CRY1: variants seen among roughly 807,000 people sequenced by gnomAD.
The protein encoded by CRY1 is cryptochrome-1.
Under a neutral mutation model 76.0 loss-of-function variants are expected in CRY1, and 45 were observed. The observed-to-expected ratio is 0.59, with a 90% CI of 0.47 to 0.76. CRY1 has a LOEUF of 0.76. Among genes scored for constraint, CRY1 ranks in the 30% least tolerant of loss-of-function variants. CRY1 has a pLI of 0.00. For missense variants in CRY1, 587 were observed against 716.4 expected, an observed-to-expected ratio of 0.82 and a Z score of 2.06; for synonymous variants, 248 against 244.0, an observed-to-expected ratio of 1.02 and a Z score of -0.15.
At chr12:107,046,675 A>G (rs574377165) in intron 1 of CRY1, among the ~76,000 whole-genome samples, 2 of 152,344 alleles carry the variant, frequency 1.3e-5, no homozygotes, top group East Asian at 3.9e-4. Flanking sequence ...ATACAGAATG[A>G]AAGTGAAGGG....
intron 8 of CRY1, 65 bp downstream of exon 8, chr12:106,997,850 T>C (rs1207967384): frequency 6.3e-7 from 1 of 1,579,928 alleles, no homozygotes; most frequent in South Asian, 1.2e-5. Context: ...TAAGCATTGA[T>C]TAAACATGAA....
At chr12:107,002,451 T>C (rs980837093) in intron 3 of CRY1, among the ~76,000 whole-genome samples, 10 of 152,342 alleles carry the variant, frequency 6.6e-5, no homozygotes, top group South Asian at 6.2e-4. Flanking sequence ...ATGGGATACA[T>C]GTAGATAGTA....
chr12:107,012,715 A>T (rs1316854406), intron 2 of CRY1, among the ~76,000 whole-genome samples: 15 of 152,202 alleles, frequency 9.9e-5, no homozygotes, highest in Admixed American at 9.8e-4. Flanking sequence ...TTTGGAAAGG[A>T]TTCACCATTC....
intron 11 of CRY1, 37 bp downstream of exon 11, chr12:106,992,928 G>A: frequency 6.2e-7 from 1 of 1,613,912 alleles, no homozygotes; most frequent in African/African-American, 1.3e-5. Flanking sequence ...GATAGGAAAA[G>A]GAAAAAGAAC....
chr12:107,014,777 C>G (rs768109514), intron 2 of CRY1, among the ~76,000 whole-genome samples: 38 of 152,100 alleles, frequency 2.5e-4, no homozygotes, highest in Non-Finnish European at 1.2e-4. Flanking sequence ...TTCCAGGACC[C>G]CCTGTGGATA....
chr12:107,082,727 C>A (rs1199721751), intron 1 of CRY1, among the ~76,000 whole-genome samples: 1 of 152,108 alleles, frequency 6.6e-6, no homozygotes, highest in Non-Finnish European at 1.5e-5. Flanking sequence ...CACTAAATGT[C>A]CATATCAGAA....
chr12:107,066,058 C>T (rs1170013837), intron 1 of CRY1, among the ~76,000 whole-genome samples: 1 of 152,180 alleles, frequency 6.6e-6, no homozygotes, highest in African/African-American at 2.4e-5. Flanking sequence ...ATTCTGACTA[C>T]ACAGTCGTAC....
Position 106,999,877 on chromosome 12 carries a change from C to A in CRY1, c.826-15G>T. ...TTCTTCTTTACCTATGGTTAAAAAG[C>A]AAAGAAGTATTATCAGAATTTTTTT... On this transcript the variant is annotated splice_polypyrimidine_tract_variant and intron_variant, in intron 6 of 12. Transcript: ENST00000008527. 6.3e-7 allele frequency: 1 copy of A among 1,596,958 alleles called. No homozygotes were observed. The highest frequency in any genetic ancestry group is 2.2e-5 in the East Asian group (1 of 44,778).
At chr12:107,008,809 T>C (rs933489469) in intron 2 of CRY1, among the ~76,000 whole-genome samples, 2 of 152,188 alleles carry the variant, frequency 1.3e-5, no homozygotes, top group Non-Finnish European at 2.9e-5. Flanking sequence ...GTTCTCATGA[T>C]AGTGAATAAG....
chr12:107,023,088 T>C (rs1952575676), intron 1 of CRY1, among the ~76,000 whole-genome samples: 1 of 152,182 alleles, frequency 6.6e-6, no homozygotes, highest in African/African-American at 2.4e-5. Flanking sequence ...TTAAGTTTCA[T>C]TTAGATTCTG....
Position 107,011,711 on chromosome 12 carries a change from G to A in CRY1, c.268-6463C>T, listed in dbSNP as rs74365239. On this transcript the variant is annotated intron_variant, in intron 2 of 12. Coordinates refer to ENST00000008527, the MANE Select transcript of CRY1 (RefSeq NM_004075.5). ...TGGTTCATAAGGTTTAAGCAAAGAAGCTGTCTCCATAACCTAAAAGTACAA... is the reference window on the plus strand; with the variant it reads ...TGGTTCATAAGGTTTAAGCAAAGAAACTGTCTCCATAACCTAAAAGTACAA... Among the ~76,000 whole-genome samples, 307 of 152,334 alleles carry A rather than the reference G, an allele frequency of 2.0e-3. 3 individuals are homozygous for A. The highest frequency in any genetic ancestry group is 7.0e-3 in the African/African-American group (293 of 41,586).
Position 107,028,411 on chromosome 12 carries a change from A to AAGAG in CRY1, c.159-6220_159-6219insCTCT, listed in dbSNP as rs1952639067. 2.0e-5 allele frequency among the ~76,000 whole-genome samples: 3 copies of AAGAG among 152,262 alleles called. No individual in the cohort carries two copies. In the South Asian group the frequency reaches 6.2e-4, roughly 32 times the overall value. Reference sequence around the variant, plus strand: ...AATGTTCAATAAAGATGAAATATATATTTTAAAAGCAAACTTTGCATTTGC... The same window carrying AAGAG: ...AATGTTCAATAAAGATGAAATATATAAGAGTTTTAAAAGCAAACTTTGCATTTGC... On this transcript the variant is annotated intron_variant, in intron 1 of 12. Transcript: ENST00000008527.
At chr12:107,018,453 G>A (rs1193370617) in intron 2 of CRY1, among the ~76,000 whole-genome samples, 5 of 152,102 alleles carry the variant, frequency 3.3e-5, no homozygotes, top group Admixed American at 6.6e-5. Context: ...AAGGTGTGGT[G>A]GTGCATGCCT....
chr12:107,036,192 C>A (rs1193122151), intron 1 of CRY1, among the ~76,000 whole-genome samples: 1 of 152,188 alleles, frequency 6.6e-6, no homozygotes. Context: ...AGTCACACGG[C>A]CTCGCCAGAC....
At chr12:107,009,314 G>A (rs142993427) in intron 2 of CRY1, among the ~76,000 whole-genome samples, 74 of 151,856 alleles carry the variant, frequency 4.9e-4, no homozygotes, top group Non-Finnish European at 7.9e-4. Flanking sequence ...TGAGGCAGGC[G>A]GATAGCCTGA....
chr12:106,993,032 G>C lies in CRY1; in HGVS notation c.1590C>G (p.Cys530Trp), dbSNP rs2136814860. Residue 530 changes from cysteine (C) to tryptophan (W), a missense_variant, in exon 11 of 13, where the codon TGC becomes TGG. Cys to Trp is a radical substitution (Grantham distance 215). Transcript: ENST00000008527. The stretch of plus-strand genomic sequence containing the variant: ...AGTGTAAAATACCACTCCCTTGAGA[G>C]CAACCTGTTAGTATTTAAAACACAG... ...NIPGCSSSGS[C>W]SQGSGILHYA... 6.2e-7 allele frequency: 1 copy of C among 1,613,874 alleles called. No homozygotes were observed. Among genetic ancestry groups the C allele is most frequent in the South Asian group, 1.1e-5 (1 of 91,074 alleles).
At chr12:107,053,737 T>C (rs1360962146) in intron 1 of CRY1, among the ~76,000 whole-genome samples, 1 of 152,154 alleles carries the variant, frequency 6.6e-6, no homozygotes, top group Non-Finnish European at 1.5e-5. Context: ...AGGAGCACTG[T>C]AAATCCAAGA....
chr12:107,011,886 C>G (rs1378133516), intron 2 of CRY1, among the ~76,000 whole-genome samples: 1 of 152,126 alleles, frequency 6.6e-6, no homozygotes, highest in Non-Finnish European at 1.5e-5. Context: ...ACTTTCATAG[C>G]TAGACAGAAA....
chr12:107,050,115 G>C (rs1375172353), intron 1 of CRY1: 1 of 152,076 alleles, frequency 6.6e-6, no homozygotes, highest in African/African-American at 2.4e-5. Flanking sequence ...AAGCAAGAGA[G>C]CATCTTTCCA....
Sources: allele counts gnomAD v4.1 joint callset (sites outside exome capture counted in the v4.1 genomes callset), GRCh38; gene constraint gnomAD v4.1.1; transcripts MANE v1.5; gene names NCBI Gene and HGNC (gene_info 2026-07-23, HGNC 2026-07-21).